Variants in NEK1 observed in about 807,000 individuals in gnomAD.
The protein encoded by NEK1 is serine/threonine-protein kinase Nek1.
Under a neutral mutation model 182.1 loss-of-function variants are expected in NEK1, and 137 were observed. The observed-to-expected ratio is 0.75, with a 90% CI of 0.65 to 0.87. The LOEUF is 0.87. NEK1 is among the 40% of genes least tolerant of loss of function. The pLI, the probability that NEK1 is intolerant of heterozygous loss-of-function variation, is 0.00. For synonymous variants in NEK1, 513 were observed against 492.2 expected (o/e 1.04, Z -0.56); for missense variants, 1,391 against 1,494.4 (o/e 0.93, Z 1.14).
chr4:169,598,921 T>C lies in NEK1; in HGVS notation c.312+179A>G, dbSNP rs893860284. Among the ~76,000 whole-genome samples the C allele has an allele frequency of 4.6e-5, 7 of 152,300 alleles. No individual in the cohort carries two copies. In the East Asian group the frequency reaches 1.3e-3, roughly 29 times the overall value. On this transcript the variant is annotated intron_variant, in intron 5 of 35. Coordinates refer to ENST00000507142, the MANE Select transcript of NEK1 (RefSeq NM_001199397.3). ...ATATCATTACAGACTATAAATGAGA[T>C]GGGCAACTGAACAAAGGTGGCAGCT...
At chr4:169,490,588 T>A (rs1323119763) in intron 23 of NEK1, among the ~76,000 whole-genome samples, 1 of 151,646 alleles carries the variant, frequency 6.6e-6, no homozygotes, top group Non-Finnish European at 1.5e-5. Flanking sequence ...AGCAAAATAA[T>A]CCATGATATG....
At chr4:169,420,180 C>T (rs4692569) in intron 31 of NEK1, among the ~76,000 whole-genome samples, 137,486 of 152,238 alleles carry the variant, frequency 0.9, 62,160 homozygotes, top group Middle Eastern at 0.94. Flanking sequence ...GGATCATCAA[C>T]ATCACTGTCT....
At chr4:169,428,351 G>GATAGATATATATATATATATATATAT (rs1736771741) in intron 29 of NEK1, among the ~76,000 whole-genome samples, 3 of 93,246 alleles carry the variant, frequency 3.2e-5, no homozygotes, top group South Asian at 9.2e-4. Context: ...AAATATATGG[G>GATAGATATATATATATATATATATAT]ATATATATAT....
At chr4:169,576,792 T>C (rs1454186841) in intron 12 of NEK1, 136 bp downstream of exon 12, 1 of 827,062 alleles carries the variant, frequency 1.2e-6, no homozygotes, top group Non-Finnish European at 1.9e-6. Flanking sequence ...AGAGGACTGG[T>C]AAAACACAGA....
chr4:169,532,808 C>G (rs112704865), intron 19 of NEK1, among the ~76,000 whole-genome samples: 4 of 150,642 alleles, frequency 2.7e-5, no homozygotes, highest in Admixed American at 2.0e-4. Flanking sequence ...AAAAATTAGC[C>G]GGGCATGATG....
chr4:169,580,877 T>C lies in NEK1; in HGVS notation c.833A>G (p.Lys278Arg), dbSNP rs746848998. 12 of 1,533,036 alleles carry C rather than the reference T, an allele frequency of 7.8e-6. No homozygotes were observed. The highest frequency in any genetic ancestry group is 2.8e-5 in the African/African-American group (2 of 72,498). 95.0% of individuals were successfully genotyped at this position (1,533,036 alleles called of 1,614,324 possible). A position where few individuals can be genotyped will look rare whatever the true frequency, so the allele number is the denominator to read the frequency against. Residue 278 changes from lysine to arginine, a missense_variant, in exon 11 of 36, where the codon AAA becomes AGA. Lys to Arg is a conservative substitution (Grantham distance 26). Coordinates refer to ENST00000507142, the MANE Select transcript of NEK1 (RefSeq NM_001199397.3). ...CTGTGATCCAAACTTCGAAAATGTT[T>C]TTAGACAAAATTCTTCTGCAATAAG... ...PQLIAEEFCL[K>R]TFSKFGSQPI...
chr4:169,513,574 T>C (rs1360617718), intron 19 of NEK1, among the ~76,000 whole-genome samples: 1 of 152,206 alleles, frequency 6.6e-6, no homozygotes, highest in Non-Finnish European at 1.5e-5. Context: ...CTTGCTTTAT[T>C]GCAGTAACTA....
intron 26 of NEK1, among the ~76,000 whole-genome samples, chr4:169,465,461 G>A (rs1356421612): frequency 6.6e-6 from 1 of 152,002 alleles, no homozygotes; most frequent in Non-Finnish European, 1.5e-5. Context: ...GAGTACTGAA[G>A]TAATACGTTT....
At chr4:169,463,183 C>A in intron 27 of NEK1, 60 bp downstream of exon 27, 1 of 927,942 alleles carries the variant, frequency 1.1e-6, no homozygotes, top group Non-Finnish European at 1.5e-6. Flanking sequence ...TCTTAAAATA[C>A]ATAATTAGAT....
intron 11 of NEK1, 59 bp downstream of exon 11, chr4:169,580,783 G>C: frequency 9.9e-7 from 1 of 1,013,972 alleles, no homozygotes; most frequent in Non-Finnish European, 1.5e-6. Flanking sequence ...TATATTTCCA[G>C]TTTAATTAGG....
intron 6 of NEK1, 63 bp downstream of exon 6, chr4:169,590,663 C>G: frequency 7.8e-7 from 1 of 1,289,764 alleles, no homozygotes; most frequent in Non-Finnish European, 1.1e-6. Context: ...AATTTTTGGC[C>G]CAAAACAATG....
intron 11 of NEK1, among the ~76,000 whole-genome samples, chr4:169,580,450 T>C (rs1054606793): frequency 1.1e-4 from 15 of 136,500 alleles, no homozygotes; most frequent in African/African-American, 4.2e-4. Flanking sequence ...TGAGCCGAGA[T>C]TGTGCCACTG....
At position 169,491,136 on chromosome 4, in the gene NEK1, C is replaced by CAAAAAAAAA. The variant is rs70964208; in HGVS notation, c.2008-11611_2008-11603dup. ...CCAGCAACAGAGGAAGACTCCATCT[C>CAAAAAAAAA]AAAAAAAAAAAAAAAAAAAAAAAAA... On this transcript the variant is annotated intron_variant, in intron 23 of 35. Transcript: ENST00000507142. 5.2e-4 allele frequency among the ~76,000 whole-genome samples: 24 copies of CAAAAAAAAA among 45,910 alleles called. 2 individuals carry two copies. Among genetic ancestry groups the CAAAAAAAAA allele is most frequent in the African/African-American group, 1.6e-3 (13 of 7,892 alleles). The allele number at this position is 45,910 out of a possible 152,430, so 30.1% of individuals were successfully genotyped here. A position where few individuals can be genotyped will look rare whatever the true frequency, so the allele number is the denominator to read the frequency against.
chr4:169,481,503 G>A (rs76568960), intron 23 of NEK1, among the ~76,000 whole-genome samples: 13,802 of 152,264 alleles, frequency 0.091, 808 homozygotes, highest in Middle Eastern at 0.14. Flanking sequence ...TAGCAGGCAT[G>A]AAAACAACAT....
rs149399049 is a variant in NEK1, at chr4:169,442,459, A to C, written c.2588-4200T>G. Among the ~76,000 whole-genome samples, 90 of 152,310 alleles carry C rather than the reference A, an allele frequency of 5.9e-4. 1 individual carries two copies. The East Asian group carries it at 0.017, about 29-fold the overall frequency. ...ACGGGAAAAAGTCTTTGCCTACGAA[A>C]GTCAATCCGTAAAATCGGAAGAAGT... On this transcript the variant is annotated intron_variant, in intron 27 of 35. Coordinates refer to ENST00000507142, the MANE Select transcript of NEK1 (RefSeq NM_001199397.3).
intron 4 of NEK1, among the ~76,000 whole-genome samples, chr4:169,599,715 C>T (rs916245581): frequency 2.6e-5 from 4 of 152,090 alleles, no homozygotes; most frequent in African/African-American, 9.7e-5. Context: ...TTTCCACCCT[C>T]TTTGAGCTTT....
intron 5 of NEK1, among the ~76,000 whole-genome samples, chr4:169,592,239 A>C (rs1768645917): frequency 6.6e-6 from 1 of 152,196 alleles, no homozygotes; most frequent in Non-Finnish European, 1.5e-5. Context: ...TATCCTACAA[A>C]TAATATCAGA....
rs36010613 is a variant in NEK1, at chr4:169,579,476, T to C, written c.868+1366A>G. ...TCTCAGGGATTGGTGGTCTCTGCAA[T>C]GAGAGGATGTGTAAGGGTCTTTAAG... On this transcript the variant is annotated intron_variant, in intron 11 of 35. Coordinates refer to ENST00000507142, the MANE Select transcript of NEK1 (RefSeq NM_001199397.3). Among the ~76,000 whole-genome samples the C allele has an allele frequency of 3.9e-3, 598 of 152,204 alleles. 5 individuals carry two copies. Among genetic ancestry groups the C allele is most frequent in the South Asian group, 0.03 (143 of 4,816 alleles).
chr4:169,456,019 C>G (rs1742811232), intron 27 of NEK1, among the ~76,000 whole-genome samples: 1 of 152,154 alleles, frequency 6.6e-6, no homozygotes, highest in Admixed American at 6.5e-5. Context: ...AGTTTCTTCT[C>G]TGACCACAAT....
Sources: gnomAD v4.1 joint callset for allele counts (sites outside exome capture counted in the v4.1 genomes callset) on GRCh38, gnomAD v4.1.1 for gene constraint, MANE v1.5 for transcripts, NCBI Gene and HGNC (gene_info 2026-07-23, HGNC 2026-07-21) for gene names.